Variants in NBPF8 observed in about 807,000 individuals in gnomAD.
NBPF8 encodes NBPF family member NBPF8.
chr1:120,463,228 A>G (rs1193330373), intron 21 of NBPF8, among the ~76,000 whole-genome samples: 1 of 144,568 alleles, frequency 6.9e-6, no homozygotes, highest in East Asian at 2.2e-4. Flanking sequence ...ACCCAGGCAG[A>G]TGTAAAAAAT....
chr1:120,457,719 T>G (rs1661482206), intron 16 of NBPF8, among the ~76,000 whole-genome samples: 1 of 50,172 alleles, frequency 2.0e-5, no homozygotes, highest in Admixed American at 1.7e-4. Context: ...CCCTAAGACT[T>G]AAAGTATTAA....
At chr1:120,428,558 C>T (rs1660785647) in intron 3 of NBPF8, among the ~76,000 whole-genome samples, 2 of 151,964 alleles carry the variant, frequency 1.3e-5, no homozygotes, top group African/African-American at 4.8e-5. Context: ...TTAATTCAGG[C>T]AGGTTTATTG....
exon 23 of NBPF8, chr1:120,464,486 C>G (rs1330836452): frequency 1.7e-6 from 2 of 1,161,720 alleles, no homozygotes; most frequent in East Asian, 2.3e-5. Context: ...TCCTGCCAGC[C>G]GTATGGAAGT....
chr1:120,415,543 G>C (rs1313415646), upstream of NBPF8, among the ~76,000 whole-genome samples: 4 of 152,150 alleles, frequency 2.6e-5, no homozygotes, highest in East Asian at 7.7e-4. Context: ...AGGGGGTGGA[G>C]GGACGAGCAG....
intron 11 of NBPF8, among the ~76,000 whole-genome samples, chr1:120,450,561 C>T (rs1661238996): frequency 6.6e-6 from 1 of 152,174 alleles, no homozygotes; most frequent in Non-Finnish European, 1.5e-5. Context: ...ACACAGTAAA[C>T]ACTATCTATT....
intron 11 of NBPF8, among the ~76,000 whole-genome samples, chr1:120,450,445 G>C (rs1202717020): frequency 2.6e-5 from 4 of 151,962 alleles, no homozygotes; most frequent in African/African-American, 9.7e-5. Flanking sequence ...CTGTCCCTCA[G>C]TTTCCTCACC....
At chr1:120,452,781 A>G (rs1368568478) in intron 13 of NBPF8, among the ~76,000 whole-genome samples, 1 of 152,324 alleles carries the variant, frequency 6.6e-6, no homozygotes, top group Admixed American at 6.5e-5. Context: ...AAGCATTCAA[A>G]TGTGGGAACA....
intron 16 of NBPF8, among the ~76,000 whole-genome samples, chr1:120,456,257 G>A (rs1160411372): frequency 6.6e-6 from 1 of 151,164 alleles, no homozygotes; most frequent in African/African-American, 2.5e-5. Context: ...TTGGGGTGGA[G>A]GGTTCTGTAG....
At chr1:120,436,348 C>G, upstream of NBPF8, 12 of 1,539,846 alleles carry the variant, frequency 7.8e-6, no homozygotes, top group Admixed American at 3.9e-5. Flanking sequence ...GGTGAAGGAT[C>G]CTAAAGTGCT....
upstream of NBPF8, among the ~76,000 whole-genome samples, chr1:120,415,977 CTT>C (rs1264963142): frequency 6.6e-6 from 1 of 152,194 alleles, no homozygotes; most frequent in African/African-American, 2.4e-5. Flanking sequence ...TTCCTCCTAT[CTT>C]TTGCTGCTAG....
At chr1:120,460,857 C>T (rs1249390026) in intron 18 of NBPF8, among the ~76,000 whole-genome samples, 13 of 151,822 alleles carry the variant, frequency 8.6e-5, no homozygotes, top group Non-Finnish European at 1.6e-4. Context: ...AAGCTGTATT[C>T]TCATGGTAAC....
upstream of NBPF8, among the ~76,000 whole-genome samples, chr1:120,416,002 AAAG>A (rs1226874445): frequency 3.9e-5 from 6 of 152,184 alleles, no homozygotes; most frequent in Non-Finnish European, 5.9e-5. Context: ...CTGCTTTCAA[AAAG>A]AAGTCTTTTC....
intron 3 of NBPF8, among the ~76,000 whole-genome samples, 99 bp downstream of exon 3, chr1:120,427,946 T>A (rs1341758159): frequency 8.5e-5 from 13 of 152,164 alleles, no homozygotes; most frequent in African/African-American, 3.1e-4. Flanking sequence ...CTAGCCCATA[T>A]GCTTAGCTGA....
At chr1:120,466,058 T>G in exon 25 of NBPF8, 2 of 1,611,996 alleles carry the variant, frequency 1.2e-6, no homozygotes, top group Non-Finnish European at 1.7e-6. Flanking sequence ...ACTCCATCAA[T>G]GTACTGTGAA....
Position 120,422,195 on chromosome 1 carries a change from G to T in NBPF8, n.269+2077G>T, listed in dbSNP as rs1426155013. Among the ~76,000 whole-genome samples, 56 of 152,218 alleles carry T rather than the reference G, an allele frequency of 3.7e-4. No homozygotes were observed. The East Asian group carries it at 0.01, about 28-fold the overall frequency. On this transcript the variant is annotated intron_variant and non_coding_transcript_variant, in intron 1 of 28. Coordinates refer to the NBPF8 transcript ENST00000652355. ...TTTCCCCTATTAGTATGTTGTATTA[G>T]TGTGGTCCATTCATTACAATTGATG...
chr1:120,464,283 A>C, intron 22 of NBPF8, 93 bp from the exon 21 acceptor site: 1 of 699,170 alleles, frequency 1.4e-6, no homozygotes, highest in Non-Finnish European at 2.6e-6. Flanking sequence ...TTACTTTTTT[A>C]ACCACTTCCT....
chr1:120,463,082 C>G, intron 21 of NBPF8, 116 bp downstream of exon 19: 1 of 682,338 alleles, frequency 1.5e-6, no homozygotes, highest in Non-Finnish European at 2.6e-6. Flanking sequence ...CAGGCAGGAC[C>G]TATGGGCGCA....
chr1:120,434,443 G>T (rs1372995819), upstream of NBPF8, among the ~76,000 whole-genome samples: 2 of 143,670 alleles, frequency 1.4e-5, no homozygotes, highest in Middle Eastern at 3.7e-3. Context: ...GTGCCATGTT[G>T]GTTTGCTGCA....
At chr1:120,466,286 G>C (rs1661748333) in exon 25 of NBPF8, 7 of 1,588,422 alleles carry the variant, frequency 4.4e-6, no homozygotes, top group Non-Finnish European at 6.0e-6. Flanking sequence ...CTGAAGATTT[G>C]AATGAAACTA....
Sources: allele counts gnomAD v4.1 joint callset (sites outside exome capture counted in the v4.1 genomes callset), GRCh38; gene constraint gnomAD v4.1.1; transcripts MANE v1.5; gene names NCBI Gene and HGNC (gene_info 2026-07-23, HGNC 2026-07-21).